Variants in STRN observed in about 807,000 individuals in gnomAD.
STRN encodes the protein striatin.
In STRN, 53 loss-of-function variants were observed where a neutral mutation model predicts 96.3. That is an observed-to-expected ratio of 0.55 (90% CI 0.44 to 0.69). The LOEUF (loss-of-function observed/expected upper bound fraction) is 0.69, where lower values mean the gene tolerates loss of function less well. Ranked by LOEUF, STRN falls within the 30% of genes least tolerant of loss-of-function variation. The pLI is 0.00. For synonymous variants in STRN, 428 were observed against 355.9 expected, an observed-to-expected ratio of 1.20 and a Z score of -2.28; for missense variants, 987 against 963.9, an observed-to-expected ratio of 1.02 and a Z score of -0.32.
chr2:36,961,115 CTTTTTTTTTTTTT>C (rs551915869), intron 1 of STRN, among the ~76,000 whole-genome samples: 3 of 60,322 alleles, frequency 5.0e-5, no homozygotes, highest in Admixed American at 3.6e-4. Flanking sequence ...CCAGGCTGCA[CTTTTTTTTTTTTT>C]TTTTTTTTTT....
rs939866507 is a variant in STRN at position 36,842,517 on chromosome 2, A to G, written c.*6939T>C. The G allele has an allele frequency of 1.3e-5, 2 of 152,210 alleles. No homozygotes were observed. The highest frequency in any genetic ancestry group is 1.3e-4 in the Admixed American group (2 of 15,282). 9.4% of individuals were successfully genotyped at this position (152,210 alleles called of 1,614,324 possible). A position where few individuals can be genotyped will look rare whatever the true frequency, so the allele number is the denominator to read the frequency against. ...CTGGACCACTCTTCACGTAAGGTGAATGGCTAAATCACCAAGGACAAGATA... is the reference window on the plus strand; with the variant it reads ...CTGGACCACTCTTCACGTAAGGTGAGTGGCTAAATCACCAAGGACAAGATA... On this transcript the variant is annotated 3_prime_UTR_variant, in exon 18 of 18. Transcript: ENST00000263918.
At chr2:36,907,021 T>G (rs140544308) in intron 3 of STRN, among the ~76,000 whole-genome samples, 4 of 152,276 alleles carry the variant, frequency 2.6e-5, no homozygotes, top group Admixed American at 6.5e-5. Flanking sequence ...AATTCATCAC[T>G]AGGTAAAACC....
At chr2:36,877,855 C>A (rs146291040) in intron 10 of STRN, 36 bp downstream of exon 10, 15 of 1,609,160 alleles carry the variant, frequency 9.3e-6, no homozygotes, top group Non-Finnish European at 1.2e-5. Flanking sequence ...TTTTTAAAAA[C>A]CAAGTAAACA....
At chr2:36,957,720 T>C (rs960815184) in intron 1 of STRN, among the ~76,000 whole-genome samples, 1 of 150,390 alleles carries the variant, frequency 6.6e-6, no homozygotes. Context: ...GAGCTCAGAT[T>C]AGTCTCATAG....
intron 8 of STRN, among the ~76,000 whole-genome samples, 174 bp downstream of exon 8, chr2:36,886,542 T>A (rs970001410): frequency 1.3e-5 from 2 of 152,146 alleles, no homozygotes; most frequent in Non-Finnish European, 2.9e-5. Flanking sequence ...TCTTTTAAGT[T>A]CATAATTAAA....
chr2:36,882,439 C>T (rs1045315397), intron 9 of STRN, among the ~76,000 whole-genome samples: 2 of 152,118 alleles, frequency 1.3e-5, no homozygotes, highest in African/African-American at 4.8e-5. Flanking sequence ...AGTAGCTATT[C>T]ACTGACTCAA....
At chr2:36,867,749 A>G (rs576027260) in intron 12 of STRN, 65 bp downstream of exon 12, 2 of 1,118,322 alleles carry the variant, frequency 1.8e-6, no homozygotes, top group East Asian at 5.4e-5. Flanking sequence ...AAAGAAAATA[A>G]AATATCCTAA....
intron 3 of STRN, among the ~76,000 whole-genome samples, chr2:36,906,694 A>G (rs13388406): frequency 0.15 from 22,294 of 151,016 alleles, 3,635 homozygotes; most frequent in African/African-American, 0.4. Flanking sequence ...GGGAGGCCGA[A>G]GCGGGTGGAT....
At chr2:36,857,663 A>AAAAC (rs1668380667) in intron 14 of STRN, among the ~76,000 whole-genome samples, 193 bp downstream of exon 14, 1 of 152,090 alleles carries the variant, frequency 6.6e-6, no homozygotes, top group South Asian at 2.1e-4. Flanking sequence ...CCGTCTCAAA[A>AAAAC]AAAACAAAAC....
At chr2:36,853,729 T>C (rs1022194883) in intron 15 of STRN, among the ~76,000 whole-genome samples, 1 of 152,202 alleles carries the variant, frequency 6.6e-6, no homozygotes, top group Non-Finnish European at 1.5e-5. Context: ...GCTTGTTTGG[T>C]CCTTTCATTT....
At chr2:36,910,919 GTCTGGACGT>G (rs1273771105) in intron 3 of STRN, among the ~76,000 whole-genome samples, 1 of 151,946 alleles carries the variant, frequency 6.6e-6, no homozygotes, top group Non-Finnish European at 1.5e-5. Context: ...AAATATGAAG[GTCTGGACGT>G]GGGACAAAAA....
intron 3 of STRN, among the ~76,000 whole-genome samples, chr2:36,906,957 T>C (rs1669838172): frequency 6.6e-6 from 1 of 151,240 alleles, no homozygotes; most frequent in Admixed American, 6.6e-5. Flanking sequence ...AACCCTCAAG[T>C]ATTCTTTTAA....
intron 7 of STRN, among the ~76,000 whole-genome samples, chr2:36,889,722 T>A (rs1226531603): frequency 6.6e-6 from 1 of 152,154 alleles, no homozygotes; most frequent in East Asian, 1.9e-4. Flanking sequence ...GTTTTGTTAA[T>A]TTGTTAAAAG....
chr2:36,898,691 G>A (rs1669605908), intron 6 of STRN, among the ~76,000 whole-genome samples: 1 of 152,122 alleles, frequency 6.6e-6, no homozygotes, highest in African/African-American at 2.4e-5. Flanking sequence ...CACAAATAGT[G>A]GCAGAACTGG....
rs1669824393 is a variant in STRN at position 36,906,494 on chromosome 2, T to A, written c.413-876A>T. On this transcript the variant is annotated intron_variant, in intron 3 of 17. Coordinates refer to ENST00000263918, the MANE Select transcript of STRN (RefSeq NM_003162.4). ...ATGAATGAATGAATGAATGAATGAG[T>A]AACAAATAAATAATTTTTTTAAAAA... Among the ~76,000 whole-genome samples, 3 of 152,084 alleles carry A rather than the reference T, an allele frequency of 2.0e-5. No individual in the cohort carries two copies. In the South Asian group the frequency reaches 6.2e-4, roughly 32 times the overall value.
chr2:36,864,078 G>T (rs1668562023), intron 12 of STRN, among the ~76,000 whole-genome samples: 1 of 152,064 alleles, frequency 6.6e-6, no homozygotes, highest in African/African-American at 2.4e-5. Context: ...GCATTTTTTA[G>T]GTATAAAATT....
intron 1 of STRN, among the ~76,000 whole-genome samples, chr2:36,937,452 T>G (rs927096937): frequency 1.3e-5 from 2 of 151,904 alleles, no homozygotes; most frequent in African/African-American, 2.4e-5. Flanking sequence ...GAAGATGGCT[T>G]GAGACCAGGA....
chr2:36,858,459 T>C (rs957008596), intron 13 of STRN, among the ~76,000 whole-genome samples: 1 of 152,238 alleles, frequency 6.6e-6, no homozygotes, highest in African/African-American at 2.4e-5. Context: ...TGTTCACTTA[T>C]CTTACTATAT....
chr2:36,948,815 T>G (rs191873449), intron 1 of STRN, among the ~76,000 whole-genome samples: 3 of 152,276 alleles, frequency 2.0e-5, no homozygotes, highest in Admixed American at 2.0e-4. Context: ...AATATCTTAG[T>G]GTTGGAAATG....
Sources: allele counts gnomAD v4.1 joint callset (sites outside exome capture counted in the v4.1 genomes callset), GRCh38; gene constraint gnomAD v4.1.1; transcripts MANE v1.5; gene names NCBI Gene and HGNC (gene_info 2026-07-23, HGNC 2026-07-21).